Variants in GUCY2F observed in about 807,000 individuals in gnomAD.
The protein encoded by GUCY2F is retinal guanylyl cyclase 2.
A neutral mutation model predicts 73.1 loss-of-function variants in GUCY2F; 61 were observed. That is an observed-to-expected ratio of 0.83 (90% confidence interval 0.68 to 1.03). GUCY2F has a LOEUF of 1.03. GUCY2F is among the 50% of genes least tolerant of loss of function. GUCY2F has a pLI of 0.00. For synonymous variants in GUCY2F, 331 were observed against 307.8 expected (o/e 1.08, Z -0.79); for missense variants, 912 against 854.3 (o/e 1.07, Z -0.84).
chrX:109,424,636 G>T (rs1455520215), intron 8 of GUCY2F, among the ~76,000 whole-genome samples: 1 of 111,407 alleles, frequency 9.0e-6, no homozygotes, highest in East Asian at 2.8e-4. Flanking sequence ...TTAATAGTGG[G>T]AGAGGCTGTG....
At chrX:109,476,723 AAGATAGATAGAT>A (rs3831757) in intron 1 of GUCY2F, among the ~76,000 whole-genome samples, 143 of 96,464 alleles carry the variant, frequency 1.5e-3, no homozygotes, top group South Asian at 8.0e-3. Context: ...CCCAGAGGTA[AAGATAGATAGAT>A]AGATAGATAG....
At chrX:109,467,253 A>G (rs1232328037) in intron 2 of GUCY2F, among the ~76,000 whole-genome samples, 1 of 112,335 alleles carries the variant, frequency 8.9e-6, no homozygotes. Flanking sequence ...TGGCTGAACC[A>G]TTAAAAGTAA....
At chrX:109,418,670 G>A (rs1025402524) in intron 8 of GUCY2F, among the ~76,000 whole-genome samples, 1 of 110,444 alleles carries the variant, frequency 9.1e-6, no homozygotes, top group African/African-American at 3.3e-5. Flanking sequence ...TAAATATGTC[G>A]CTTAAATTAA....
intron 1 of GUCY2F, among the ~76,000 whole-genome samples, chrX:109,480,910 AAAG>A (rs1346532273): frequency 9.2e-6 from 1 of 109,211 alleles, no homozygotes; most frequent in East Asian, 2.8e-4. Flanking sequence ...AAAAAGAAAA[AAAG>A]AAGGGAAGGA....
At chrX:109,448,942 G>T (rs768631455) in intron 5 of GUCY2F, among the ~76,000 whole-genome samples, 41 of 111,955 alleles carry the variant, frequency 3.7e-4, no homozygotes, top group Non-Finnish European at 4.7e-4. Context: ...ATTTTCTACA[G>T]GTCAATTACT....
intron 6 of GUCY2F, among the ~76,000 whole-genome samples, chrX:109,445,685 C>A (rs1298047844): frequency 9.0e-6 from 1 of 111,502 alleles, no homozygotes; most frequent in Non-Finnish European, 1.9e-5. Flanking sequence ...TGGGCAAAAA[C>A]TGGAAGCATT....
At chrX:109,388,346 G>T (rs1930483082) in intron 15 of GUCY2F, 143 bp downstream of exon 15, 2 of 483,915 alleles carry the variant, frequency 4.1e-6, no homozygotes, top group Non-Finnish European at 7.2e-6. Context: ...AGTAAATTTG[G>T]GTAGGCATAA....
In GUCY2F at chrX:109,398,594, T is replaced by A; in HGVS notation, c.2230A>T (p.Met744Leu). 1.7e-6 allele frequency: 2 copies of A among 1,208,617 alleles called. No homozygotes were observed. Among genetic ancestry groups the A allele is most frequent in the Non-Finnish European group, 2.2e-6 (2 of 892,834 alleles). The change falls in exon 11 of 20, where the codon ATG becomes TTG. Residue 744 changes from methionine (M) to leucine (L), a missense_variant. By Grantham distance (15) the Met-to-Leu change is conservative. Coordinates refer to ENST00000218006, the MANE Select transcript of GUCY2F (RefSeq NM_001522.3). Reference sequence around the variant, plus strand: ...ATGCAGAATGGGGTACCCCGGACCATCACTTCTTGCATGATGATGGCAAAG... The same window carrying A: ...ATGCAGAATGGGGTACCCCGGACCAACACTTCTTGCATGATGATGGCAAAG... ...YSFAIIMQEV[M>L]VRGTPFCMMD...
At chrX:109,377,101 C>T (rs777407199) in intron 17 of GUCY2F, among the ~76,000 whole-genome samples, 1 of 111,869 alleles carries the variant, frequency 8.9e-6, no homozygotes, top group Non-Finnish European at 1.9e-5. Flanking sequence ...CCACTGTTCC[C>T]TATTTTATAT....
intron 3 of GUCY2F, among the ~76,000 whole-genome samples, chrX:109,456,357 C>T (rs1433986426): frequency 8.9e-6 from 1 of 111,982 alleles, no homozygotes; most frequent in African/African-American, 3.2e-5. Flanking sequence ...TGAAAACACA[C>T]ACACACACAC....
At chrX:109,436,442 C>A (rs1208147266) in intron 7 of GUCY2F, among the ~76,000 whole-genome samples, 1 of 111,145 alleles carries the variant, frequency 9.0e-6, no homozygotes, top group African/African-American at 3.3e-5. Flanking sequence ...TGGGTATATA[C>A]CCAAAGGATT....
At chrX:109,436,991 CA>C (rs1012594024) in intron 7 of GUCY2F, among the ~76,000 whole-genome samples, 1 of 103,239 alleles carries the variant, frequency 9.7e-6, no homozygotes, top group African/African-American at 3.9e-5. Flanking sequence ...AATGAAATAA[CA>C]GCAAAAAAAA....
intron 6 of GUCY2F, among the ~76,000 whole-genome samples, chrX:109,447,325 C>T (rs182276876): frequency 0.057 from 6,298 of 110,378 alleles, 426 homozygotes; most frequent in African/African-American, 0.19. Context: ...CACATGCACA[C>T]GTATGTTTAT....
intron 6 of GUCY2F, among the ~76,000 whole-genome samples, chrX:109,443,936 C>T (rs180872188): frequency 8.9e-6 from 1 of 112,158 alleles, no homozygotes; most frequent in East Asian, 2.8e-4. Flanking sequence ...AAAGTGAATA[C>T]TTTTTTCTTA....
chrX:109,476,350 G>A (rs1046185221), intron 1 of GUCY2F, among the ~76,000 whole-genome samples: 2 of 111,998 alleles, frequency 1.8e-5, no homozygotes, highest in African/African-American at 6.5e-5. Flanking sequence ...AATTACATGA[G>A]TTAACACACG....
chrX:109,384,623 A>C (rs1244455137), intron 16 of GUCY2F, among the ~76,000 whole-genome samples: 1 of 111,586 alleles, frequency 9.0e-6, no homozygotes, highest in Non-Finnish European at 1.9e-5. Flanking sequence ...AGTTGCAATA[A>C]ATTATTTCAG....
chrX:109,414,178 G>A (rs1044777377), intron 8 of GUCY2F, among the ~76,000 whole-genome samples: 1 of 110,971 alleles, frequency 9.0e-6, no homozygotes, highest in Non-Finnish European at 1.9e-5. Flanking sequence ...CACCATGTTG[G>A]CCAGGCTGGT....
chrX:109,417,507 A>G (rs1053330304), intron 8 of GUCY2F, among the ~76,000 whole-genome samples: 1 of 111,544 alleles, frequency 9.0e-6, no homozygotes, highest in Non-Finnish European at 1.9e-5. Context: ...ATGCCAATAT[A>G]GGAAACAAAA....
At chrX:109,480,310 T>C (rs1932757281) in intron 1 of GUCY2F, among the ~76,000 whole-genome samples, 1 of 111,796 alleles carries the variant, frequency 8.9e-6, no homozygotes, top group Admixed American at 9.5e-5. Context: ...ATTTGACACT[T>C]TCCTGTATTC....
Sources: gnomAD v4.1 joint callset for allele counts (sites outside exome capture counted in the v4.1 genomes callset) on GRCh38, gnomAD v4.1.1 for gene constraint, MANE v1.5 for transcripts, NCBI Gene and HGNC (gene_info 2026-07-23, HGNC 2026-07-21) for gene names.